The following COL5A2 variants were observed in gnomAD, a reference collection of about 807,000 sequenced individuals.
COL5A2 encodes the protein collagen type V alpha 2 chain.
COL5A2 carries 23 observed loss-of-function variants against 208.2 expected under a neutral mutation model. That is an observed-to-expected ratio of 0.11 (90% confidence interval 0.08 to 0.16). COL5A2 has a LOEUF of 0.16. Among genes scored for constraint, COL5A2 ranks in the 10% least tolerant of loss-of-function variants. The pLI is 1.00. For synonymous variants in COL5A2, 625 were observed against 628.5 expected, an observed-to-expected ratio of 0.99 and a Z score of 0.08; for missense variants, 1,590 against 1,956.4, an observed-to-expected ratio of 0.81 and a Z score of 3.53.
chr2:189,229,494 CA>C (rs1278499767), upstream of COL5A2, among the ~76,000 whole-genome samples: 2 of 149,940 alleles, frequency 1.3e-5, no homozygotes, highest in East Asian at 3.9e-4. Context: ...TTCCAGGATA[CA>C]AAAATCAACA....
At chr2:189,422,524 G>A in the COL5A2 span, among the ~76,000 whole-genome samples, 1 of 152,138 alleles carries the variant, frequency 6.6e-6, no homozygotes, top group South Asian at 2.1e-4. Flanking sequence ...AGAAAGCATA[G>A]TATTTAAACT....
At chr2:189,045,386 T>C (rs1327340867) in intron 46 of COL5A2, among the ~76,000 whole-genome samples, 154 bp from the exon 47 acceptor site, 7 of 152,100 alleles carry the variant, frequency 4.6e-5, no homozygotes, top group African/African-American at 1.2e-4. Context: ...GATTAATTAA[T>C]TGAAATCAGG....
At chr2:189,398,988 A>AAATT in the COL5A2 span, among the ~76,000 whole-genome samples, 1 of 152,158 alleles carries the variant, frequency 6.6e-6, no homozygotes, top group Non-Finnish European at 1.5e-5. Context: ...TGAATTCCAT[A>AAATT]AATTCTCTCT....
At position 189,068,813 on chromosome 2, in the gene COL5A2, T is replaced by C; in HGVS notation, c.1230A>G (p.Pro410=). The change falls in exon 19 of 54, where the codon CCA becomes CCG. Residue 410 remains proline, a synonymous_variant. Transcript: ENST00000374866. ...GAAGACCTGGAGAGCCAACTGGACCTGGGGGCCCAGTTTCACCTCTCTGCC... is the reference window on the plus strand; with the variant it reads ...GAAGACCTGGAGAGCCAACTGGACCCGGGGGCCCAGTTTCACCTCTCTGCC... The part of the protein sequence containing the change: ...PQGQRGETGP[P]GPVGSPGLPG... The C allele has an allele frequency of 1.2e-6, 2 of 1,612,814 alleles. No homozygotes were observed. The highest frequency in any genetic ancestry group is 1.7e-6 in the Non-Finnish European group (2 of 1,179,536).
intron 45 of COL5A2, 51 bp downstream of exon 45, chr2:189,048,158 A>G: frequency 6.5e-7 from 1 of 1,544,922 alleles, no homozygotes; most frequent in Non-Finnish European, 8.9e-7. Context: ...AATTAAAAAG[A>G]TTTCAGATTT....
chr2:189,393,547 G>A, the COL5A2 span, among the ~76,000 whole-genome samples: 1 of 152,110 alleles, frequency 6.6e-6, no homozygotes, highest in Non-Finnish European at 1.5e-5. Context: ...AGTAGTATCT[G>A]TATAACATCT....
chr2:189,143,928 C>T (rs984433646), intron 1 of COL5A2, among the ~76,000 whole-genome samples: 8 of 151,972 alleles, frequency 5.3e-5, no homozygotes, highest in African/African-American at 1.9e-4. Flanking sequence ...TATATAGCTG[C>T]AGAACTGGAA....
chr2:189,259,344 T>A, the COL5A2 span, among the ~76,000 whole-genome samples: 1 of 152,238 alleles, frequency 6.6e-6, no homozygotes, highest in Non-Finnish European at 1.5e-5. Context: ...AGTCCTAATT[T>A]TCCAAGGTTA....
chr2:189,034,222 A>T lies in COL5A2; in HGVS notation c.4354-6T>A, dbSNP rs1576482939. The stretch of plus-strand genomic sequence containing the variant: ...CCCACATTTCCATTCCGCTTCTGAA[A>T]TTAAATGATGCAATGGGTTAAATGT... On this transcript the variant is annotated splice_region_variant and splice_polypyrimidine_tract_variant and intron_variant, in intron 53 of 53. Transcript: ENST00000374866. 6.2e-7 allele frequency: 1 copy of T among 1,613,942 alleles called. No homozygotes were observed. Among genetic ancestry groups the T allele is most frequent in the East Asian group, 2.2e-5 (1 of 44,890 alleles).
In COL5A2 at chr2:189,064,853, A is replaced by C. The variant is rs893594357; in HGVS notation, c.1617+151T>G. 1.2e-5 allele frequency: 11 copies of C among 896,064 alleles called. No individual in the cohort carries two copies. The African/African-American group carries it at 1.8e-4, about 15-fold the overall frequency. The allele number at this position is 896,064 out of a possible 1,614,324, so 55.5% of individuals were successfully genotyped here. ...CTATGCCTCTTAATACAGGAATTAC[A>C]CAAGAGAGGATTGGGGTTAGGCCTG... On this transcript the variant is annotated intron_variant, in intron 24 of 53. Coordinates refer to ENST00000374866, the MANE Select transcript of COL5A2 (RefSeq NM_000393.5).
At chr2:189,345,647 G>A in the COL5A2 span, among the ~76,000 whole-genome samples, 5 of 152,142 alleles carry the variant, frequency 3.3e-5, no homozygotes, top group Non-Finnish European at 5.9e-5. Flanking sequence ...CCATAGAAGT[G>A]GGTCAAGTCA....
chr2:189,184,357 G>A (rs1015854505), upstream of COL5A2, among the ~76,000 whole-genome samples: 1 of 152,092 alleles, frequency 6.6e-6, no homozygotes, highest in Admixed American at 6.5e-5. Context: ...ACTGGTGTAT[G>A]TGTTTTCTAT....
chr2:189,304,154 C>G, the COL5A2 span, among the ~76,000 whole-genome samples: 143 of 152,204 alleles, frequency 9.4e-4, no homozygotes, highest in African/African-American at 3.1e-3. Context: ...AAAATAGTCA[C>G]ATTGTTCAAC....
chr2:189,362,738 T>C, the COL5A2 span, among the ~76,000 whole-genome samples: 2 of 152,104 alleles, frequency 1.3e-5, no homozygotes, highest in Admixed American at 1.3e-4. Flanking sequence ...AGAGGAAATA[T>C]TCACTAGAAA....
At chr2:189,378,991 C>T in the COL5A2 span, among the ~76,000 whole-genome samples, 5,207 of 152,164 alleles carry the variant, frequency 0.034, 108 homozygotes, top group Admixed American at 0.049. Context: ...CAAGTTATTA[C>T]GGTCTTTTTG....
At chr2:189,378,506 T>C in the COL5A2 span, among the ~76,000 whole-genome samples, 90 of 152,114 alleles carry the variant, frequency 5.9e-4, no homozygotes, top group Middle Eastern at 0.014. Flanking sequence ...GGGAGGATCA[T>C]GAGGTCAAGA....
chr2:189,418,272 T>C, the COL5A2 span, among the ~76,000 whole-genome samples: 1 of 152,216 alleles, frequency 6.6e-6, no homozygotes, highest in Non-Finnish European at 1.5e-5. Context: ...AACTTTTCTA[T>C]CATCTGCATA....
the COL5A2 span, among the ~76,000 whole-genome samples, chr2:189,305,998 G>A: frequency 3.9e-5 from 6 of 152,254 alleles, no homozygotes; most frequent in South Asian, 1.2e-3. Context: ...CCTGCTGGAG[G>A]CCATTTCAAT....
At chr2:189,143,375 C>T (rs1036001133) in intron 1 of COL5A2, among the ~76,000 whole-genome samples, 5 of 152,126 alleles carry the variant, frequency 3.3e-5, no homozygotes, top group African/African-American at 1.2e-4. Context: ...CCAGAGGTGG[C>T]ACTGTTTTCC....
Sources: gnomAD v4.1 joint callset for allele counts (sites outside exome capture counted in the v4.1 genomes callset) on GRCh38, gnomAD v4.1.1 for gene constraint, MANE v1.5 for transcripts, NCBI Gene and HGNC (gene_info 2026-07-23, HGNC 2026-07-21) for gene names.